BNIP2: variants seen among roughly 807,000 people sequenced by gnomAD.
The protein encoded by BNIP2 is BCL2 interacting protein 2, also known as BCL2/adenovirus E1B 19 kDa protein-interacting protein 2.
A neutral mutation model predicts 43.4 loss-of-function variants in BNIP2; 36 were observed. The ratio of observed to expected loss-of-function variants is 0.83; its 90% confidence interval spans 0.64 to 1.10. The LOEUF is 1.10. Among genes scored for constraint, BNIP2 ranks in the 50% least tolerant of loss-of-function variants. BNIP2 has a pLI of 0.00. For synonymous variants in BNIP2, 146 were observed against 121.0 expected (o/e 1.21, Z -1.35); for missense variants, 417 against 374.1 (o/e 1.11, Z -0.95).
chr15:59,688,927 G>T, intron 1 of BNIP2: 1 of 1,454,670 alleles, frequency 6.9e-7, no homozygotes, highest in East Asian at 2.5e-5. Flanking sequence ...ATACAAACAG[G>T]ACCCAAGCCA....
rs1892363691 is a variant in BNIP2 at position 59,663,104 on chromosome 15, C to T, written c.*965G>A. 6.6e-6 allele frequency: 1 copy of T among 152,558 alleles called. No individual in the cohort carries two copies. Among genetic ancestry groups the T allele is most frequent in the South Asian group, 2.1e-4 (1 of 4,828 alleles). The allele number at this position is 152,558 out of a possible 1,614,324, so 9.5% of individuals were successfully genotyped here. A position where few individuals can be genotyped will look rare whatever the true frequency, so the allele number is the denominator to read the frequency against. ...GATATGGAAGTATTTTGGTAAAGTG[C>T]CCATAGTGAGAGTTTAAAAAGCAGC... On this transcript the variant is annotated 3_prime_UTR_variant, in exon 10 of 10. Transcript: ENST00000607373.
chr15:59,678,305 T>C, intron 4 of BNIP2: 1 of 1,277,894 alleles, frequency 7.8e-7, no homozygotes, highest in Non-Finnish European at 9.9e-7. Flanking sequence ...TTGCCCAATT[T>C]AGCAAAAACC....
At chr15:59,681,031 C>T (rs1248400298) in intron 2 of BNIP2, among the ~76,000 whole-genome samples, 3 of 152,168 alleles carry the variant, frequency 2.0e-5, no homozygotes, top group African/African-American at 7.2e-5. Flanking sequence ...CAATTTTAAA[C>T]AAATATGACT....
chr15:59,689,122 A>C lies in BNIP2; in HGVS notation c.-58+13T>G. ...CGGAGCCACCGTGCCGAGTTCTCCC[A>C]GGCCGCACTCACCCCGGAGGAAGCC... On this transcript the variant is annotated intron_variant, in intron 1 of 9. Coordinates refer to ENST00000607373, the MANE Select transcript of BNIP2 (RefSeq NM_004330.4). The C allele has an allele frequency of 2.0e-6, 3 of 1,534,578 alleles. No homozygotes were observed. The highest frequency in any genetic ancestry group is 2.6e-6 in the Non-Finnish European group (3 of 1,145,500).
At position 59,678,721 on chromosome 15, in the gene BNIP2, T is replaced by C. The variant is rs1369968100; in HGVS notation, c.296-634A>G. On this transcript the variant is annotated intron_variant, in intron 4 of 9. Transcript: ENST00000607373. ...CTGATTTTCAATGTAGTAATAATTT[T>C]CAAAATTTCAGTATTATAGTCCTTA... The C allele has an allele frequency of 4.1e-6, 5 of 1,232,138 alleles. No individual in the cohort carries two copies. In the East Asian group the frequency reaches 1.8e-4, roughly 45 times the overall value. 76.3% of individuals were successfully genotyped at this position (1,232,138 alleles called of 1,614,324 possible). A position where few individuals can be genotyped will look rare whatever the true frequency, so the allele number is the denominator to read the frequency against.
chr15:59,680,692 T>C (rs6151505), intron 2 of BNIP2, among the ~76,000 whole-genome samples: 12,064 of 152,306 alleles, frequency 0.079, 795 homozygotes, highest in East Asian at 0.29. Flanking sequence ...TGAGCCACTG[T>C]GCCCAGCCTA....
chr15:59,677,307 T>G, intron 5 of BNIP2: 1 of 1,577,160 alleles, frequency 6.3e-7, no homozygotes, highest in South Asian at 1.1e-5. Flanking sequence ...GAAAGCCACA[T>G]CAACAAGCCC....
chr15:59,684,037 A>C (rs139641619), intron 1 of BNIP2, among the ~76,000 whole-genome samples: 1 of 152,240 alleles, frequency 6.6e-6, no homozygotes, highest in East Asian at 1.9e-4. Context: ...AAAGATGCAC[A>C]AAGTTACAAA....
intron 1 of BNIP2, 114 bp downstream of exon 1, chr15:59,689,021 T>C (rs2142029214): frequency 3.5e-6 from 5 of 1,449,060 alleles, no homozygotes; most frequent in South Asian, 1.4e-5. Flanking sequence ...GGTAACTCTC[T>C]GGGTTTCCTC....
At chr15:59,673,538 C>T (rs1427096858) in intron 5 of BNIP2, among the ~76,000 whole-genome samples, 3 of 152,284 alleles carry the variant, frequency 2.0e-5, no homozygotes, top group Non-Finnish European at 4.4e-5. Flanking sequence ...GATCTTCCCA[C>T]CTCATAGCCT....
Position 59,663,954 on chromosome 15 carries a change from A to C in BNIP2, c.*115T>G. 1.2e-6 allele frequency: 1 copy of C among 818,852 alleles called. No individual in the cohort carries two copies. The highest frequency in any genetic ancestry group is 1.8e-6 in the Non-Finnish European group (1 of 544,370). 50.7% of individuals were successfully genotyped at this position (818,852 alleles called of 1,614,324 possible). ...ACAAAAGTCCATTATGAAAAAGTCA[A>C]GTCTATTTTGTAACAGGTTACATAA... On this transcript the variant is annotated 3_prime_UTR_variant, in exon 10 of 10. Transcript: ENST00000607373.
intron 4 of BNIP2, chr15:59,678,695 G>A (rs1893464452): frequency 8.3e-7 from 1 of 1,211,500 alleles, no homozygotes; most frequent in African/African-American, 1.6e-5. Context: ...TTGCAGTTTA[G>A]CTGATTTTCA....
At chr15:59,686,869 T>C (rs1894048979) in intron 1 of BNIP2, among the ~76,000 whole-genome samples, 1 of 151,852 alleles carries the variant, frequency 6.6e-6, no homozygotes, top group South Asian at 2.1e-4. Context: ...ATACAAAAAT[T>C]AGCCAGGAGT....
At chr15:59,681,639 G>A (rs1367459242) in intron 2 of BNIP2, among the ~76,000 whole-genome samples, 4 of 151,930 alleles carry the variant, frequency 2.6e-5, no homozygotes, top group African/African-American at 9.7e-5. Flanking sequence ...TAGAGACGGG[G>A]TTTCACCATG....
intron 5 of BNIP2, chr15:59,676,723 CGCGGT>C (rs1893316406): frequency 9.2e-7 from 1 of 1,085,750 alleles, no homozygotes. Flanking sequence ...TGGAGTGCCG[CGCGGT>C]GCGGTGCGGG....
rs749100497 is a variant in BNIP2, at chr15:59,672,671, G to C, written c.541C>G (p.Pro181Ala). The C allele has an allele frequency of 5.6e-6, 9 of 1,613,354 alleles. No individual in the cohort carries two copies. The highest frequency in any genetic ancestry group is 7.6e-6 in the Non-Finnish European group (9 of 1,179,660). ...TTGTCCATCAGGTATCTATAGTTAG[G>C]CTGACTACTTTCAGGCATGAAACAG... Reference protein sequence around the residue: ...AVCFMPESSQPNYRYLMDNLF... With the variant: ...AVCFMPESSQANYRYLMDNLF... The change falls in exon 6 of 10, where the codon CCT (proline) becomes GCT (alanine). Residue 181 changes from proline (P) to alanine (A), a missense_variant. By Grantham distance (27) the Pro-to-Ala change is conservative. Coordinates refer to ENST00000607373, the MANE Select transcript of BNIP2 (RefSeq NM_004330.4).
At chr15:59,681,853 C>T (rs548635624) in intron 2 of BNIP2, among the ~76,000 whole-genome samples, 1 of 152,234 alleles carries the variant, frequency 6.6e-6, no homozygotes, top group Admixed American at 6.5e-5. Context: ...AAACAAACCA[C>T]ACTAAAACAC....
rs1477826046 is a variant in BNIP2, at chr15:59,660,540, A to G, written c.*3529T>C. The G allele has an allele frequency of 6.6e-6, 1 of 152,256 alleles. No homozygotes were observed. The highest frequency in any genetic ancestry group is 6.5e-5 in the Admixed American group (1 of 15,286). 9.4% of individuals were successfully genotyped at this position (152,256 alleles called of 1,614,324 possible). On this transcript the variant is annotated 3_prime_UTR_variant, in exon 10 of 10. Transcript: ENST00000607373. ...AAGAAATATAAAAAGCCACTTCTGT[A>G]TAAAACACATGTCCAAATTCCCTGA...
chr15:59,668,593 T>C (rs1892702241), intron 9 of BNIP2, among the ~76,000 whole-genome samples: 3 of 152,242 alleles, frequency 2.0e-5, no homozygotes, highest in South Asian at 4.1e-4. Context: ...TCTTTAGTAC[T>C]GATCAATTAG....
Sources: gnomAD v4.1 joint callset for allele counts (sites outside exome capture counted in the v4.1 genomes callset) on GRCh38, gnomAD v4.1.1 for gene constraint, MANE v1.5 for transcripts, NCBI Gene and HGNC (gene_info 2026-07-23, HGNC 2026-07-21) for gene names.